Variants in METTL9 observed in about 807,000 individuals in gnomAD.
METTL9 encodes the protein protein-L-histidine N-pros-methyltransferase.
Under a neutral mutation model 36.0 loss-of-function variants are expected in METTL9, and 10 were observed. The ratio of observed to expected loss-of-function variants is 0.28; its 90% CI spans 0.17 to 0.47. METTL9 has a LOEUF of 0.47. Among genes scored for constraint, METTL9 ranks in the 20% least tolerant of loss-of-function variants. The probability of loss-of-function intolerance (pLI) is 0.99; values close to 1 mark genes in which losing one functional copy is unlikely to be tolerated. For missense variants in METTL9, 246 were observed against 383.5 expected, an observed-to-expected ratio of 0.64 and a Z score of 3.00; for synonymous variants, 175 against 149.7, an observed-to-expected ratio of 1.17 and a Z score of -1.23.
chr16:21,627,894 C>T (rs1019517008), intron 4 of METTL9, among the ~76,000 whole-genome samples: 13 of 151,972 alleles, frequency 8.6e-5, no homozygotes, highest in African/African-American at 2.4e-4. Flanking sequence ...CGGAGCTTGC[C>T]GTGAGCCGAG....
At chr16:21,648,910 A>G (rs1165414678) in intron 4 of METTL9, among the ~76,000 whole-genome samples, 1 of 152,200 alleles carries the variant, frequency 6.6e-6, no homozygotes, top group East Asian at 1.9e-4. Context: ...ATGGATCCCC[A>G]TTCATAACAG....
chr16:21,624,841 A>C (rs1567333959), intron 3 of METTL9, 90 bp from the exon 4 acceptor site: 2 of 1,154,504 alleles, frequency 1.7e-6, no homozygotes, highest in Non-Finnish European at 2.5e-6. Flanking sequence ...TTTAGAAGAC[A>C]AAGTTAAAGC....
In METTL9 at chr16:21,599,923, G is replaced by T. The variant is rs1457706630; in HGVS notation, c.165+25G>T. On this transcript the variant is annotated intron_variant, in intron 1 of 4. Transcript: ENST00000358154. This position sits in a 1 kb window ranked among gnomAD's most constrained non-coding sequence, Gnocchi z 4.4. ...GGTACGGGCTGGGGCCGGGGCCGGG[G>T]CGGGGGCGTGGCGGCCCGGCCTTCC... is the stretch of plus-strand genomic sequence containing the variant. 3.0e-6 allele frequency: 4 copies of T among 1,318,096 alleles called. No individual in the cohort carries two copies. The South Asian group carries it at 6.2e-5, about 20-fold the overall frequency. The allele number at this position is 1,318,096 out of a possible 1,614,324, so 81.7% of individuals were successfully genotyped here. A position where few individuals can be genotyped will look rare whatever the true frequency, so the allele number is the denominator to read the frequency against.
chr16:21,624,587 C>T (rs1347962014), intron 3 of METTL9, among the ~76,000 whole-genome samples: 1 of 151,952 alleles, frequency 6.6e-6, no homozygotes, highest in Non-Finnish European at 1.5e-5. Flanking sequence ...ATTAGCCGGG[C>T]ATGGTGGCAA....
At chr16:21,641,511 CTT>C (rs779729579) in intron 4 of METTL9, 10 of 1,481,480 alleles carry the variant, frequency 6.8e-6, no homozygotes, top group Non-Finnish European at 9.4e-6. Flanking sequence ...TTTTCAGTGA[CTT>C]CATTGAAAAT....
At chr16:21,633,631 T>G (rs993528527) in intron 4 of METTL9, among the ~76,000 whole-genome samples, 1 of 151,852 alleles carries the variant, frequency 6.6e-6, no homozygotes, top group Admixed American at 6.6e-5. Context: ...GGTATAGGGG[T>G]TGGGTACAAC....
intron 1 of METTL9, 139 bp downstream of exon 1, chr16:21,600,037 C>A (rs563966235): frequency 3.9e-6 from 3 of 766,988 alleles, no homozygotes; most frequent in Admixed American, 9.7e-5. Flanking sequence ...GAAAGTTTTC[C>A]CCGCGCCTTC....
chr16:21,628,281 A>C (rs555388272), intron 4 of METTL9, among the ~76,000 whole-genome samples: 1 of 152,276 alleles, frequency 6.6e-6, no homozygotes, highest in East Asian at 1.9e-4. Context: ...AAACATGGCC[A>C]TTATTGAAAT....
At chr16:21,600,010 TC>T in intron 1 of METTL9, 112 bp downstream of exon 1, 3 of 941,378 alleles carry the variant, frequency 3.2e-6, no homozygotes, top group Non-Finnish European at 4.0e-6. Context: ...CCCTCGCCCC[TC>T]CGCCTCGGCC....
chr16:21,611,224 GT>G (rs1965417576), intron 1 of METTL9, among the ~76,000 whole-genome samples: 1 of 152,198 alleles, frequency 6.6e-6, no homozygotes, highest in Non-Finnish European at 1.5e-5. Flanking sequence ...AGGGAACAGA[GT>G]TTGTAAAATG....
chr16:21,644,199 A>G, intron 4 of METTL9: 1 of 886,408 alleles, frequency 1.1e-6, no homozygotes, highest in Non-Finnish European at 1.8e-6. Flanking sequence ...GCTCTTGCTG[A>G]GGCCCATAAC....
chr16:21,621,003 C>T (rs370334004), intron 3 of METTL9, among the ~76,000 whole-genome samples: 6 of 151,986 alleles, frequency 3.9e-5, no homozygotes, highest in Non-Finnish European at 5.9e-5. Flanking sequence ...ACGGGTCTCT[C>T]TCTGTCACCT....
chr16:21,646,938 G>A (rs912906097), intron 4 of METTL9: 1 of 673,246 alleles, frequency 1.5e-6, no homozygotes, highest in Non-Finnish European at 2.6e-6. Context: ...ACAGGTGTGA[G>A]CCACCACGCC....
intron 4 of METTL9, among the ~76,000 whole-genome samples, chr16:21,631,995 T>G (rs1253787965): frequency 6.6e-6 from 1 of 152,182 alleles, no homozygotes; most frequent in Non-Finnish European, 1.5e-5. Flanking sequence ...TTTCTTTCTC[T>G]CTGACTCCCT....
At chr16:21,653,652 C>G (rs1966635644) in intron 4 of METTL9, 1 of 152,526 alleles carries the variant, frequency 6.6e-6, no homozygotes, top group African/African-American at 2.4e-5. Context: ...CTGCCAAACA[C>G]TAGGTGCCAT....
Position 21,627,376 on chromosome 16 carries a change from C to T in METTL9, c.751+2261C>T, listed in dbSNP as rs76363175. The T allele has an allele frequency of 2.2e-3, 2,173 of 984,852 alleles. 69 individuals are homozygous for T. The East Asian group carries it at 0.085, about 38-fold the overall frequency. 61.0% of individuals were successfully genotyped at this position (984,852 alleles called of 1,614,324 possible). A position where few individuals can be genotyped will look rare whatever the true frequency, so the allele number is the denominator to read the frequency against. On this transcript the variant is annotated intron_variant, in intron 4 of 4. Transcript: ENST00000358154. The stretch of plus-strand genomic sequence containing the variant: ...TGGTAAATGGCTTGAAGTTGAACCA[C>T]AGCAGTTTTGCTATTTGGAAAAAAA...
rs760960904 is a variant in METTL9, at chr16:21,599,686, C to T, written c.-48C>T. On this transcript the variant is annotated 5_prime_UTR_variant, in exon 1 of 5. Transcript: ENST00000358154. The surrounding 1 kb of genome is among the most constrained non-coding windows in gnomAD (Gnocchi z 4.4). Reference sequence around the variant, plus strand: ...GCCGGAGGCGGCGGTGCCTCCTCCTCCTCGCCCCGGCGCCGGCGGTGATCC... The same window carrying T: ...GCCGGAGGCGGCGGTGCCTCCTCCTTCTCGCCCCGGCGCCGGCGGTGATCC... 1.4e-6 allele frequency: 2 copies of T among 1,420,496 alleles called. No individual in the cohort carries two copies. The highest frequency in any genetic ancestry group is 2.9e-5 in the Admixed American group (1 of 34,982). The allele number at this position is 1,420,496 out of a possible 1,614,324, so 88.0% of individuals were successfully genotyped here.
chr16:21,647,714 C>T (rs975582091), intron 4 of METTL9, among the ~76,000 whole-genome samples: 22 of 152,106 alleles, frequency 1.4e-4, no homozygotes, highest in African/African-American at 5.3e-4. Context: ...CACTGGAGGC[C>T]AGCCCTAGAG....
chr16:21,628,754 C>G (rs1567335790), intron 4 of METTL9, among the ~76,000 whole-genome samples: 1 of 152,086 alleles, frequency 6.6e-6, no homozygotes, highest in Admixed American at 6.5e-5. Flanking sequence ...CCTTCGCCTC[C>G]CAGCGTGTTG....
Sources: allele counts gnomAD v4.1 joint callset (sites outside exome capture counted in the v4.1 genomes callset), GRCh38; gene constraint gnomAD v4.1.1; non-coding constraint Gnocchi (gnomAD v3.1); transcripts MANE v1.5; gene names NCBI Gene and HGNC (gene_info 2026-07-23, HGNC 2026-07-21).